Variants in FBXW7 observed in about 807,000 individuals in gnomAD.
The protein encoded by FBXW7 is F-box/WD repeat-containing protein 7.
A neutral mutation model predicts 86.3 loss-of-function variants in FBXW7; 11 were observed. The ratio of observed to expected loss-of-function variants is 0.13; its 90% CI spans 0.08 to 0.21. FBXW7 has a LOEUF of 0.21. Among genes scored for constraint, FBXW7 ranks in the 10% least tolerant of loss-of-function variants. The pLI is 1.00. For missense variants in FBXW7, 488 were observed against 847.4 expected, an observed-to-expected ratio of 0.58 and a Z score of 5.27; for synonymous variants, 313 against 297.9, an observed-to-expected ratio of 1.05 and a Z score of -0.52.
At chr4:152,384,511 G>C (rs754576423) in intron 4 of FBXW7, among the ~76,000 whole-genome samples, 1 of 152,034 alleles carries the variant, frequency 6.6e-6, no homozygotes, top group Non-Finnish European at 1.5e-5. Flanking sequence ...ATGGTTGTCT[G>C]AGACAGGGAG....
rs535626426 is a variant in FBXW7, at chr4:152,507,752, T to C, written c.-120+27189A>G. Among the ~76,000 whole-genome samples, 13 of 152,266 alleles carry C rather than the reference T, an allele frequency of 8.5e-5. No homozygotes were observed. In the South Asian group the frequency reaches 2.7e-3, roughly 32 times the overall value. ...AAGAGACTAGAACATTTTGCGCTAC[T>C]AGAAAGTTAAGCCTTCTGACCAGGT... On this transcript the variant is annotated intron_variant, in intron 2 of 13. Transcript: ENST00000281708.
At chr4:152,341,827 G>GCA (rs201947154) in intron 6 of FBXW7, among the ~76,000 whole-genome samples, 1 of 152,242 alleles carries the variant, frequency 6.6e-6, no homozygotes, top group East Asian at 1.9e-4. Context: ...GTGTGCGCGC[G>GCA]CATGCATGTG....
At chr4:152,465,289 C>A (rs958827527) in intron 2 of FBXW7, among the ~76,000 whole-genome samples, 1 of 151,812 alleles carries the variant, frequency 6.6e-6, no homozygotes, top group African/African-American at 2.4e-5. Flanking sequence ...AGTAAGCACA[C>A]AGAACAAGAG....
chr4:152,346,609 T>C (rs956277924), intron 6 of FBXW7, among the ~76,000 whole-genome samples: 1 of 152,198 alleles, frequency 6.6e-6, no homozygotes, highest in African/African-American at 2.4e-5. Context: ...CAACCATCGC[T>C]ACTATCCAAT....
rs200183394 is a variant in FBXW7 at position 152,535,998 on chromosome 4, A to AGCG, written c.-1087_-1085dup. 3.3e-4 allele frequency: 80 copies of AGCG among 239,386 alleles called. No homozygotes were observed. The highest frequency in any genetic ancestry group is 4.8e-4 in the Non-Finnish European group (60 of 125,250). 14.8% of individuals were successfully genotyped at this position (239,386 alleles called of 1,614,324 possible). A position where few individuals can be genotyped will look rare whatever the true frequency, so the allele number is the denominator to read the frequency against. On this transcript the variant is annotated 5_prime_UTR_variant, in exon 1 of 14. Coordinates refer to ENST00000281708, the MANE Select transcript of FBXW7 (RefSeq NM_001349798.2). ...CGGATGCTCCTTCGCTCTCAGTCTC[A>AGCG]GCGGCGGCGGCGGCGGCAGCGGCAG...
chr4:152,495,909 G>A (rs925018762), intron 2 of FBXW7, among the ~76,000 whole-genome samples: 1 of 152,172 alleles, frequency 6.6e-6, no homozygotes, highest in South Asian at 2.1e-4. Flanking sequence ...AGGTGCAATG[G>A]CTCATGCCTG....
rs1394421794 is a variant in FBXW7, at chr4:152,507,962, G to A, written c.-120+26979C>T. Among the ~76,000 whole-genome samples the A allele has an allele frequency of 2.0e-5, 3 of 151,822 alleles. No homozygotes were observed. In the South Asian group the frequency reaches 6.2e-4, roughly 32 times the overall value. ...CCTGGCCTGTAGTCCTAGCTACTCCGGAGGCTAAGGCAGGGGGATCACTTG... is the reference window on the plus strand; with the variant it reads ...CCTGGCCTGTAGTCCTAGCTACTCCAGAGGCTAAGGCAGGGGGATCACTTG... On this transcript the variant is annotated intron_variant, in intron 2 of 13. Transcript: ENST00000281708.
chr4:152,515,544 A>G (rs1240195579), intron 2 of FBXW7, among the ~76,000 whole-genome samples: 1 of 152,214 alleles, frequency 6.6e-6, no homozygotes, highest in African/African-American at 2.4e-5. Flanking sequence ...ATGGCAGTTT[A>G]TATCACCATA....
chr4:152,433,406 G>A (rs1459388427), intron 2 of FBXW7, among the ~76,000 whole-genome samples: 1 of 152,066 alleles, frequency 6.6e-6, no homozygotes, highest in Non-Finnish European at 1.5e-5. Flanking sequence ...AGCTATTCTT[G>A]TGGATGGAAA....
intron 5 of FBXW7, among the ~76,000 whole-genome samples, chr4:152,347,880 A>G (rs1731420819): frequency 6.6e-6 from 1 of 152,102 alleles, no homozygotes; most frequent in Non-Finnish European, 1.5e-5. Flanking sequence ...ATATAACTAT[A>G]TTACTAACGT....
intron 2 of FBXW7, among the ~76,000 whole-genome samples, chr4:152,472,317 C>T (rs1007336016): frequency 6.6e-6 from 1 of 152,068 alleles, no homozygotes; most frequent in African/African-American, 2.4e-5. Flanking sequence ...GAAATGTGTA[C>T]ATATATGCAC....
At chr4:152,486,864 T>C (rs1745389473) in intron 2 of FBXW7, among the ~76,000 whole-genome samples, 1 of 152,136 alleles carries the variant, frequency 6.6e-6, no homozygotes, top group Non-Finnish European at 1.5e-5. Context: ...TAGATTTGAC[T>C]TACACTAACA....
intron 2 of FBXW7, among the ~76,000 whole-genome samples, chr4:152,438,494 A>G (rs1315325265): frequency 6.6e-6 from 1 of 152,146 alleles, no homozygotes; most frequent in East Asian, 1.9e-4. Flanking sequence ...CTTGGCCAAC[A>G]TGGTGAAACA....
At chr4:152,338,988 A>G (rs539877364) in intron 6 of FBXW7, among the ~76,000 whole-genome samples, 1 of 152,248 alleles carries the variant, frequency 6.6e-6, no homozygotes, top group South Asian at 2.1e-4. Context: ...ATATATAATA[A>G]TTGACAACAG....
intron 2 of FBXW7, among the ~76,000 whole-genome samples, chr4:152,498,984 A>G (rs1056067899): frequency 1.3e-5 from 2 of 152,184 alleles, no homozygotes; most frequent in East Asian, 3.8e-4. Context: ...TCTAAGCTAT[A>G]AACAGAATCT....
chr4:152,482,331 CTT>C (rs1744954892), intron 2 of FBXW7, among the ~76,000 whole-genome samples: 1 of 152,126 alleles, frequency 6.6e-6, no homozygotes, highest in Non-Finnish European at 1.5e-5. Flanking sequence ...ATAAACATAA[CTT>C]ATATGCACTA....
At chr4:152,409,544 T>C (rs371421020) in intron 4 of FBXW7, among the ~76,000 whole-genome samples, 56 of 152,260 alleles carry the variant, frequency 3.7e-4, no homozygotes, top group South Asian at 2.3e-3. Flanking sequence ...GTTTCAGGAA[T>C]GGACAAAAAG....
chr4:152,443,118 C>T (rs190393394), intron 2 of FBXW7, among the ~76,000 whole-genome samples: 1,824 of 152,082 alleles, frequency 0.012, 18 homozygotes, highest in Non-Finnish European at 0.017. Context: ...CAAAATTAGC[C>T]GGGCGTGGTG....
chr4:152,340,728 A>G (rs1338793262), intron 6 of FBXW7, among the ~76,000 whole-genome samples: 1 of 152,124 alleles, frequency 6.6e-6, no homozygotes, highest in African/African-American at 2.4e-5. Flanking sequence ...GGACCATAAA[A>G]ACAGCTTTCC....
Sources: gnomAD v4.1 joint callset for allele counts (sites outside exome capture counted in the v4.1 genomes callset) on GRCh38, gnomAD v4.1.1 for gene constraint, MANE v1.5 for transcripts, NCBI Gene and HGNC (gene_info 2026-07-23, HGNC 2026-07-21) for gene names.